Variants in NBEAL1 observed in about 807,000 individuals in gnomAD.
NBEAL1 encodes the protein neurobeachin-like protein 1.
A neutral mutation model predicts 351.3 loss-of-function variants in NBEAL1; 273 were observed. The ratio of observed to expected loss-of-function variants is 0.78; its 90% CI spans 0.70 to 0.86. The LOEUF is 0.86. Ranked by LOEUF, NBEAL1 falls within the 40% of genes least tolerant of loss-of-function variation. The pLI is 0.00. For missense variants in NBEAL1, 2,961 were observed against 3,201.3 expected (o/e 0.92, Z 1.81); for synonymous variants, 1,050 against 1,086.4 (o/e 0.97, Z 0.66).
chr2:203,065,437 A>G (rs1197460026), intron 6 of NBEAL1, among the ~76,000 whole-genome samples: 1 of 152,132 alleles, frequency 6.6e-6, no homozygotes, highest in Non-Finnish European at 1.5e-5. Flanking sequence ...ATTATGTCCT[A>G]GGTATGATGT....
rs374590189 is a variant in NBEAL1, at chr2:203,166,223, A to T, written c.5789A>T (p.Asp1930Val). The T allele has an allele frequency of 1.2e-6, 2 of 1,610,358 alleles. No individual in the cohort carries two copies. The highest frequency in any genetic ancestry group is 8.5e-7 in the Non-Finnish European group (1 of 1,178,048). The change falls in exon 37 of 56, where the codon GAT (aspartate) becomes GTT (valine). Residue 1930 changes from aspartate (D) to valine (V), a missense_variant. By Grantham distance (152) the Asp-to-Val change is radical. Transcript: ENST00000683969. ...MEDCELITII[D>V]VIPGRLEITT... is the part of the protein sequence containing the mutation. Reference sequence around the variant, plus strand: ...GACTGTGAACTCATTACAATAATTGATGTAATTCCTGGCAGATTAGAAATC... The same window carrying T: ...GACTGTGAACTCATTACAATAATTGTTGTAATTCCTGGCAGATTAGAAATC...
At chr2:203,028,004 C>T (rs2060887356) in intron 2 of NBEAL1, among the ~76,000 whole-genome samples, 1 of 152,100 alleles carries the variant, frequency 6.6e-6, no homozygotes, top group African/African-American at 2.4e-5. Context: ...CTGCCTCAGC[C>T]TCCCGAGTAG....
intron 52 of NBEAL1, 118 bp from the exon 53 acceptor site, chr2:203,209,043 G>A (rs1321050086): frequency 2.5e-6 from 2 of 799,156 alleles, no homozygotes; most frequent in African/African-American, 1.7e-5. Context: ...ATCCTTGATG[G>A]AATAATCATT....
intron 37 of NBEAL1, among the ~76,000 whole-genome samples, chr2:203,166,585 T>C (rs1328467282): frequency 6.6e-6 from 1 of 152,188 alleles, no homozygotes; most frequent in East Asian, 1.9e-4. Flanking sequence ...CCACTCTTGT[T>C]GCCCAGGCTG....
At chr2:203,077,698 T>C (rs1318961653) in intron 7 of NBEAL1, 54 bp from the exon 8 acceptor site, 1 of 1,067,220 alleles carries the variant, frequency 9.4e-7, no homozygotes, top group East Asian at 3.0e-5. Context: ...TAGAGATAAA[T>C]CATACTGTGA....
At chr2:203,169,149 C>T (rs1195575687) in intron 38 of NBEAL1, among the ~76,000 whole-genome samples, 1 of 151,718 alleles carries the variant, frequency 6.6e-6, no homozygotes, top group Admixed American at 6.6e-5. Flanking sequence ...TTTTTGTAAA[C>T]ATACATAGCT....
chr2:203,101,731 G>A (rs1223025368), intron 12 of NBEAL1, among the ~76,000 whole-genome samples: 2 of 152,118 alleles, frequency 1.3e-5, no homozygotes, highest in Non-Finnish European at 1.5e-5. Context: ...AAGTAGCTGG[G>A]ATTACAGGTG....
Position 203,039,216 on chromosome 2 carries a change from TTTCCCTTCCCTTCCCTTCCCTTCCC to T in NBEAL1, c.52-2506_52-2482del, listed in dbSNP as rs1223067494. ...TTTCCTTTCCTTTCCTTTCCTTTCC[TTTCCCTTCCCTTCCCTTCCCTTCCC>T]TTCCCTTCCCTTCCCTTCCCTTCCC... On this transcript the variant is annotated intron_variant, in intron 2 of 55. Transcript: ENST00000683969. Among the ~76,000 whole-genome samples the T allele has an allele frequency of 7.1e-3, 200 of 28,242 alleles. 20 individuals are homozygous for T. Among genetic ancestry groups the T allele is most frequent in the African/African-American group, 0.029 (190 of 6,494 alleles). The allele number at this position is 28,242 out of a possible 152,430, so 18.5% of individuals were successfully genotyped here.
intron 10 of NBEAL1, among the ~76,000 whole-genome samples, chr2:203,096,166 C>G (rs1042161199): frequency 5.9e-5 from 9 of 152,168 alleles, no homozygotes; most frequent in Admixed American, 5.9e-4. Flanking sequence ...ATTTTTCTCC[C>G]TATTTTTGAG....
chr2:203,145,220 AT>A, intron 33 of NBEAL1, 60 bp downstream of exon 33: 1 of 1,460,440 alleles, frequency 6.8e-7, no homozygotes, highest in South Asian at 1.4e-5. Context: ...TTTAATATTG[AT>A]TAAGAGTAAT....
intron 27 of NBEAL1, among the ~76,000 whole-genome samples, chr2:203,135,321 A>G (rs151254377): frequency 5.3e-5 from 8 of 152,300 alleles, no homozygotes; most frequent in Non-Finnish European, 1.0e-4. Context: ...TAGGTGTGCA[A>G]TAATATTTCC....
At chr2:203,203,633 G>T (rs2105819522) in intron 51 of NBEAL1, among the ~76,000 whole-genome samples, 1 of 152,272 alleles carries the variant, frequency 6.6e-6, no homozygotes, top group South Asian at 2.1e-4. Flanking sequence ...TTGAGCCAGG[G>T]AAGCAGAGGC....
In NBEAL1 at chr2:203,213,524, T is replaced by C. The variant is rs775099384; in HGVS notation, c.7941T>C (p.Asn2647=). ...TTTTTTATTTCTTTTCTAGCTTGAA[T>C]CTCAGCATCAACCCATTAGCCATGC... ...FLSIRDLHSL[N]LSINPLAMRL... is the part of the protein sequence containing the mutation. The change falls in exon 55 of 56, where the codon AAT becomes AAC. Residue 2647 remains asparagine (N), a synonymous_variant. Coordinates refer to ENST00000683969, the MANE Select transcript of NBEAL1 (RefSeq NM_001378026.1). 4.3e-6 allele frequency: 7 copies of C among 1,609,932 alleles called. No homozygotes were observed. The highest frequency in any genetic ancestry group is 5.9e-6 in the Non-Finnish European group (7 of 1,178,184).
At chr2:203,123,267 T>G (rs1199310017) in intron 19 of NBEAL1, among the ~76,000 whole-genome samples, 2 of 151,932 alleles carry the variant, frequency 1.3e-5, no homozygotes, top group Non-Finnish European at 2.9e-5. Flanking sequence ...TTCATGTTAT[T>G]CATGATATAT....
intron 40 of NBEAL1, 139 bp from the exon 41 acceptor site, chr2:203,172,590 T>C (rs1168599724): frequency 1.6e-6 from 1 of 639,362 alleles, no homozygotes. Context: ...GAACTAAAGA[T>C]GAATGGATAT....
intron 10 of NBEAL1, among the ~76,000 whole-genome samples, chr2:203,091,597 A>G (rs1187281398): frequency 6.6e-6 from 1 of 152,164 alleles, no homozygotes; most frequent in Admixed American, 6.5e-5. Context: ...ACAGTGCACA[A>G]AGTTTTCAAT....
At chr2:203,027,570 G>A (rs2060879150) in intron 2 of NBEAL1, among the ~76,000 whole-genome samples, 1 of 152,140 alleles carries the variant, frequency 6.6e-6, no homozygotes, top group African/African-American at 2.4e-5. Context: ...TTGAATGGTA[G>A]GAAAGGTGTG....
At chr2:203,105,298 TA>T (rs879304525) in intron 12 of NBEAL1, among the ~76,000 whole-genome samples, 28 of 147,222 alleles carry the variant, frequency 1.9e-4, no homozygotes, top group East Asian at 4.0e-4. Context: ...CCATCTCTAC[TA>T]AAAAAAAAAT....
chr2:203,188,037 A>G (rs2064961917), intron 44 of NBEAL1, among the ~76,000 whole-genome samples: 1 of 152,178 alleles, frequency 6.6e-6, no homozygotes, highest in Non-Finnish European at 1.5e-5. Context: ...GAGGGAGAGA[A>G]TGATTTGCAG....
Sources: allele counts gnomAD v4.1 joint callset (sites outside exome capture counted in the v4.1 genomes callset), GRCh38; gene constraint gnomAD v4.1.1; transcripts MANE v1.5; gene names NCBI Gene and HGNC (gene_info 2026-07-23, HGNC 2026-07-21).